Variants in RHCE observed in about 807,000 individuals in gnomAD.
RHCE encodes the protein Rh blood group CcEe antigens.
A neutral mutation model predicts 43.8 loss-of-function variants in RHCE; 22 were observed. That is an observed-to-expected ratio of 0.50 (90% confidence interval 0.36 to 0.72). The LOEUF is 0.72. Ranked by LOEUF, RHCE falls within the 30% of genes least tolerant of loss-of-function variation. The pLI, the probability that RHCE is intolerant of heterozygous loss-of-function variation, is 0.00. For missense variants in RHCE, 385 were observed against 525.4 expected (o/e 0.73, Z 2.61); for synonymous variants, 156 against 210.7 (o/e 0.74, Z 2.25).
At chr1:25,382,876 T>C (rs1646043009) in intron 7 of RHCE, among the ~76,000 whole-genome samples, 2 of 152,232 alleles carry the variant, frequency 1.3e-5, no homozygotes, top group African/African-American at 4.8e-5. Context: ...AAAAATTTTT[T>C]TTCTCCAAAT....
intron 4 of RHCE, 133 bp downstream of exon 4, chr1:25,391,861 A>C (rs1646377755): frequency 7.8e-7 from 1 of 1,288,446 alleles, no homozygotes; most frequent in East Asian, 2.3e-5. Flanking sequence ...TACTCAAAGA[A>C]GTGAATCATG....
chr1:25,406,057 G>A (rs28513325), intron 2 of RHCE, among the ~76,000 whole-genome samples: 111,568 of 120,856 alleles, frequency 0.92, 52,953 homozygotes, highest in Non-Finnish European at 0.97. Flanking sequence ...AGTCAAGAAT[G>A]AACAGGTCCC....
rs771045952 is a variant in RHCE at position 25,389,151 on chromosome 1, A to C, written c.802-38T>G. 5.6e-6 allele frequency: 9 copies of C among 1,604,770 alleles called. No homozygotes were observed. The South Asian group carries it at 9.9e-5, about 18-fold the overall frequency. The stretch of plus-strand genomic sequence containing the variant: ...AGCGTGTGGGTAAAGGAAGCAAGGT[A>C]GAGAGAGAACACCATCTTGCTGCAA... On this transcript the variant is annotated intron_variant, in intron 5 of 9. Transcript: ENST00000294413.
At chr1:25,415,664 T>C (rs1647354314) in intron 1 of RHCE, among the ~76,000 whole-genome samples, 1 of 151,926 alleles carries the variant, frequency 6.6e-6, no homozygotes, top group South Asian at 2.1e-4. Context: ...AAAAAAAAGC[T>C]TTTGATAATA....
intron 7 of RHCE, among the ~76,000 whole-genome samples, 199 bp from the exon 8 acceptor site, chr1:25,375,627 A>G (rs1310101808): frequency 6.8e-6 from 1 of 147,310 alleles, no homozygotes; most frequent in Non-Finnish European, 1.5e-5. Context: ...GAGGCGACGG[A>G]GATTCCAAGA....
intron 6 of RHCE, among the ~76,000 whole-genome samples, chr1:25,387,564 G>A (rs911762290): frequency 6.6e-6 from 1 of 152,196 alleles, no homozygotes; most frequent in African/African-American, 2.4e-5. Flanking sequence ...GAGCCTGATG[G>A]TAACTTGCTA....
intron 2 of RHCE, 30 bp from the exon 3 acceptor site, chr1:25,402,776 T>C (rs1646798397): frequency 6.2e-7 from 1 of 1,613,646 alleles, no homozygotes; most frequent in African/African-American, 1.3e-5. Flanking sequence ...CCAGGATGAC[T>C]GAGAAGGAAG....
At chr1:25,424,769 T>C (rs2042792795), upstream of RHCE, among the ~76,000 whole-genome samples, 1 of 152,186 alleles carries the variant, frequency 6.6e-6, no homozygotes, top group South Asian at 2.1e-4. Context: ...CCCCTTTTAG[T>C]TTCCTTCACA....
chr1:25,396,824 T>C (rs1033349195), intron 3 of RHCE, among the ~76,000 whole-genome samples: 5 of 151,978 alleles, frequency 3.3e-5, no homozygotes, highest in East Asian at 1.9e-4. Context: ...ATCAGAAATA[T>C]ACACTGAGGC....
intron 3 of RHCE, among the ~76,000 whole-genome samples, chr1:25,396,169 A>G (rs1048250687): frequency 1.3e-5 from 2 of 152,224 alleles, no homozygotes; most frequent in Non-Finnish European, 2.9e-5. Flanking sequence ...CACATTCTAC[A>G]AAAGAACTGG....
At chr1:25,426,405 GA>G (rs1177745532) in intron 2 of RHCE, among the ~76,000 whole-genome samples, 1 of 152,158 alleles carries the variant, frequency 6.6e-6, no homozygotes, top group Non-Finnish European at 1.5e-5. Flanking sequence ...TCCAAGCCAG[GA>G]AAATCTTTCT....
chr1:25,390,935 G>A lies in RHCE; in HGVS notation c.635-20C>T. ...GGGCGCCTGGGGGCCAGAGAGGGTG[G>A]TTGGCCAGAATCACACTCCTGCTCC... On this transcript the variant is annotated intron_variant, in intron 4 of 9. Coordinates refer to ENST00000294413, the MANE Select transcript of RHCE (RefSeq NM_020485.8). 5 of 1,614,122 alleles carry A rather than the reference G, an allele frequency of 3.1e-6. No homozygotes were observed. The highest frequency in any genetic ancestry group is 4.2e-6 in the Non-Finnish European group (5 of 1,180,016).
intron 3 of RHCE, among the ~76,000 whole-genome samples, chr1:25,396,183 G>A (rs1186593202): frequency 2.6e-5 from 4 of 152,276 alleles, no homozygotes; most frequent in African/African-American, 4.8e-5. Flanking sequence ...GAACTGGCTC[G>A]AAACTTCAAA....
In RHCE at chr1:25,406,542, A is replaced by C. The variant is rs566661631; in HGVS notation, c.335+2141T>G. Among the ~76,000 whole-genome samples, 5 of 117,510 alleles carry C rather than the reference A, an allele frequency of 4.3e-5. 1 individual carries two copies. Among genetic ancestry groups the C allele is most frequent in the African/African-American group, 7.8e-5 (3 of 38,468 alleles). The allele number at this position is 117,510 out of a possible 152,430, so 77.1% of individuals were successfully genotyped here. On this transcript the variant is annotated intron_variant, in intron 2 of 9. Coordinates refer to ENST00000294413, the MANE Select transcript of RHCE (RefSeq NM_020485.8). The stretch of plus-strand genomic sequence containing the variant: ...TGCTCAGGTCGGTCTCGAACTCCTG[A>C]CCTCAGGTAATCCATCTGTCTAGGC...
At chr1:25,388,402 G>A (rs972870981) in intron 6 of RHCE, among the ~76,000 whole-genome samples, 1 of 135,196 alleles carries the variant, frequency 7.4e-6, no homozygotes, top group African/African-American at 2.8e-5. Flanking sequence ...TCTTCTGGGT[G>A]CTGCTCCTCT....
At chr1:25,416,823 G>GGGC (rs372456902) in intron 1 of RHCE, among the ~76,000 whole-genome samples, 1 of 148,952 alleles carries the variant, frequency 6.7e-6, no homozygotes, top group African/African-American at 2.5e-5. Flanking sequence ...AGATGGCGGG[G>GGGC]GGGGGTCTCC....
At chr1:25,393,236 T>C (rs907240581) in intron 3 of RHCE, among the ~76,000 whole-genome samples, 4 of 152,178 alleles carry the variant, frequency 2.6e-5, no homozygotes, top group Non-Finnish European at 4.4e-5. Flanking sequence ...CTACCCCAAA[T>C]TGTTACAGTA....
chr1:25,409,157 T>A lies in RHCE; in HGVS notation c.149-288A>T, dbSNP rs182052777. 1.3e-3 allele frequency among the ~76,000 whole-genome samples: 167 copies of A among 123,714 alleles called. 27 individuals are homozygous for A. Among genetic ancestry groups the A allele is most frequent in the Admixed American group, 5.0e-3 (57 of 11,498 alleles). 81.2% of individuals were successfully genotyped at this position (123,714 alleles called of 152,430 possible). On this transcript the variant is annotated intron_variant, in intron 1 of 9. Coordinates refer to ENST00000294413, the MANE Select transcript of RHCE (RefSeq NM_020485.8). Reference sequence around the variant, plus strand: ...AGTGCTCAGTAAATGTGGCAATTATTCTATTATTAAACCTAATAATAAGAA... The same window carrying A: ...AGTGCTCAGTAAATGTGGCAATTATACTATTATTAAACCTAATAATAAGAA...
chr1:25,385,994 A>C lies in RHCE; in HGVS notation c.940-150T>G. 3 of 1,173,004 alleles carry C rather than the reference A, an allele frequency of 2.6e-6. No homozygotes were observed. In the South Asian group the frequency reaches 3.7e-5, roughly 15 times the overall value. The allele number at this position is 1,173,004 out of a possible 1,614,324, so 72.7% of individuals were successfully genotyped here. Reference sequence around the variant, plus strand: ...AAGCCCTTCTCAGACTTGAATGTGTACTCACATCAATGGGGAGTTTGTTGA... The same window carrying C: ...AAGCCCTTCTCAGACTTGAATGTGTCCTCACATCAATGGGGAGTTTGTTGA... On this transcript the variant is annotated intron_variant, in intron 6 of 9. Transcript: ENST00000294413.
Sources: gnomAD v4.1 joint callset for allele counts (sites outside exome capture counted in the v4.1 genomes callset) on GRCh38, gnomAD v4.1.1 for gene constraint, MANE v1.5 for transcripts, NCBI Gene and HGNC (gene_info 2026-07-23, HGNC 2026-07-21) for gene names.